POTEE: variants seen among roughly 807,000 people sequenced by gnomAD.
The protein encoded by POTEE is ANKRD26-like family C member 1A.
Under a neutral mutation model 74.2 loss-of-function variants are expected in POTEE, and 21 were observed. The observed-to-expected ratio is 0.28, with a 90% CI of 0.20 to 0.41. POTEE has a LOEUF of 0.41. POTEE is among the 10% of genes least tolerant of loss of function. The pLI is 1.00. For synonymous variants in POTEE, 211 were observed against 432.8 expected (o/e 0.49, Z 6.36); for missense variants, 525 against 1,158.6 (o/e 0.45, Z 7.94).
chr2:131,211,842 C>T (rs1488405553), intron 2 of POTEE, among the ~76,000 whole-genome samples: 1 of 149,668 alleles, frequency 6.7e-6, no homozygotes, highest in Non-Finnish European at 1.5e-5. Context: ...AGGCGTGAGC[C>T]ACCACTCCCG....
intron 9 of POTEE, among the ~76,000 whole-genome samples, chr2:131,233,294 T>G (rs995549503): frequency 1.3e-5 from 2 of 151,912 alleles, no homozygotes; most frequent in Non-Finnish European, 2.9e-5. Flanking sequence ...TGCTGTTGTC[T>G]GCTGTTGTAG....
In POTEE at chr2:131,220,250, G is replaced by A. The variant is rs1288932052; in HGVS notation, c.521+1327G>A. Among the ~76,000 whole-genome samples, 3 of 150,828 alleles carry A rather than the reference G, an allele frequency of 2.0e-5. No homozygotes were observed. The East Asian group carries it at 5.9e-4, about 29-fold the overall frequency. ...GATGGAGTCTGACTCTGCTGCCCCG[G>A]CTGGAGTGCAGTAGTGCGATCTCGG... On this transcript the variant is annotated intron_variant, in intron 4 of 17. Transcript: ENST00000683005.
intron 13 of POTEE, among the ~76,000 whole-genome samples, chr2:131,249,167 GT>G (rs1701438568): frequency 1.1e-5 from 1 of 94,016 alleles, no homozygotes; most frequent in Non-Finnish European, 2.2e-5. Flanking sequence ...ACTGTTAATT[GT>G]ATTCATATGC....
chr2:131,257,014 G>A (rs1351343795), intron 16 of POTEE, among the ~76,000 whole-genome samples: 321 of 149,456 alleles, frequency 2.1e-3, no homozygotes, highest in South Asian at 4.8e-3. Flanking sequence ...TCATTTTTTA[G>A]AGTCTTTGAT....
In POTEE at chr2:131,263,794, A is replaced by C. The variant is rs1701802978; in HGVS notation, c.2339A>C (p.Asp780Ala). 6.2e-7 allele frequency: 1 copy of C among 1,613,600 alleles called. No individual in the cohort carries two copies. The highest frequency in any genetic ancestry group is 1.3e-5 in the African/African-American group (1 of 74,870). Residue 780 changes from aspartate to alanine, a missense_variant, in exon 18 of 18, where the codon GAT (aspartate) becomes GCT (alanine). Asp to Ala is a moderately radical substitution (Grantham distance 126, BLOSUM62 -2). Transcript: ENST00000683005. ...PMEHGIITNW[D>A]DMEKIWHHTF... is the part of the protein sequence containing the mutation. ...GAACACGGCATCATCACCAACTGGG[A>C]TGACATGGAGAAGATCTGGCACCAC...
intron 1 of POTEE, among the ~76,000 whole-genome samples, chr2:131,210,411 C>T (rs182614279): frequency 0.013 from 1,978 of 149,744 alleles, 45 homozygotes; most frequent in African/African-American, 0.047. Context: ...GCTACACTGC[C>T]GGCGGCAGGG....
chr2:131,212,886 A>C (rs1700386357), intron 2 of POTEE, among the ~76,000 whole-genome samples: 1 of 150,874 alleles, frequency 6.6e-6, no homozygotes, highest in Non-Finnish European at 1.5e-5. Flanking sequence ...TTTCAAGAGT[A>C]TTGCCATCTG....
chr2:131,231,517 C>T (rs1275222094), intron 9 of POTEE, among the ~76,000 whole-genome samples: 2 of 151,996 alleles, frequency 1.3e-5, no homozygotes, highest in Non-Finnish European at 2.9e-5. Flanking sequence ...TTTTTGATCA[C>T]AAAAGAACAC....
At chr2:131,230,581 T>C (rs1700921837) in intron 8 of POTEE, among the ~76,000 whole-genome samples, 1 of 152,184 alleles carries the variant, frequency 6.6e-6, no homozygotes, top group South Asian at 2.1e-4. Context: ...CTTTCTATTA[T>C]GTCATGCTAA....
At position 131,230,789 on chromosome 2, in the gene POTEE, T is replaced by C. The variant is rs558192981; in HGVS notation, c.1056-47T>C. ...TTCTACATTTGGTAAGTTTTTTTTA[T>C]ATCAGTATTAAAATAGTAATTTGGT... On this transcript the variant is annotated intron_variant, in intron 8 of 17. Coordinates refer to ENST00000683005, the MANE Select transcript of POTEE (RefSeq NM_001083538.3). 6 of 1,568,128 alleles carry C rather than the reference T, an allele frequency of 3.8e-6. No homozygotes were observed. In the African/African-American group the frequency reaches 6.9e-5, roughly 18 times the overall value.
chr2:131,227,077 G>A (rs898333961), intron 7 of POTEE, 148 bp downstream of exon 7: 6 of 1,208,532 alleles, frequency 5.0e-6, no homozygotes, highest in African/African-American at 3.1e-5. Flanking sequence ...CAATTACTTG[G>A]GCTGGGCAAC....
rs1700346916 is a variant in POTEE at position 131,211,149 on chromosome 2, A to T, written c.-223A>T. Among the ~76,000 whole-genome samples, 1 of 151,760 alleles carries T rather than the reference A, an allele frequency of 6.6e-6. No homozygotes were observed. The highest frequency in any genetic ancestry group is 1.5e-5 in the Non-Finnish European group (1 of 68,012). Reference sequence around the variant, plus strand: ...CTCTGCAGCTCGCCTCGTGTGACTGATGGCAGCCACGGAGACTGCAGCTCG... The same window carrying T: ...CTCTGCAGCTCGCCTCGTGTGACTGTTGGCAGCCACGGAGACTGCAGCTCG... On this transcript the variant is annotated 5_prime_UTR_variant, in exon 2 of 18. An upstream start codon of the reference 5' UTR is lost. Coordinates refer to ENST00000683005, the MANE Select transcript of POTEE (RefSeq NM_001083538.3).
rs750000227 is a variant in POTEE at position 131,218,546 on chromosome 2, C to A, written c.144C>A (p.Asp48Glu). 6.2e-7 allele frequency: 1 copy of A among 1,612,770 alleles called. No individual in the cohort carries two copies. The highest frequency in any genetic ancestry group is 8.5e-7 in the Non-Finnish European group (1 of 1,179,802). The stretch of plus-strand genomic sequence containing the variant: ...AGAGCAACGTGGGCACTTCTGGAGA[C>A]CACGACGACTCTGCTATGAAGACAC... ...SGKSNVGTSG[D>E]HDDSAMKTLR... Residue 48 changes from aspartate (D) to glutamate (E), a missense_variant, in exon 4 of 18, where the codon GAC (aspartate) becomes GAA (glutamate). By Grantham distance (45) the Asp-to-Glu change is conservative (BLOSUM62 2). Coordinates refer to ENST00000683005, the MANE Select transcript of POTEE (RefSeq NM_001083538.3).
In POTEE at chr2:131,263,894, G is replaced by T. The variant is rs764520721; in HGVS notation, c.2439G>T (p.Lys813Asn). 6.2e-7 allele frequency: 1 copy of T among 1,614,058 alleles called. No individual in the cohort carries two copies. Among genetic ancestry groups the T allele is most frequent in the African/African-American group, 1.3e-5 (1 of 74,924 alleles). ...ILLTEAPLNP[K>N]ANREKMTQIM... is the part of the protein sequence containing the mutation. ...TGACCGAGGCCCCCCTGAACCCCAAGGCCAACCGCGAGAAGATGACCCAGA... is the reference window on the plus strand; with the variant it reads ...TGACCGAGGCCCCCCTGAACCCCAATGCCAACCGCGAGAAGATGACCCAGA... Residue 813 changes from lysine to asparagine, a missense_variant, in exon 18 of 18, where the codon AAG (lysine) becomes AAT (asparagine). Physicochemically the swap from Lys to Asn is moderately conservative, Grantham distance 94. Coordinates refer to ENST00000683005, the MANE Select transcript of POTEE (RefSeq NM_001083538.3).
intron 2 of POTEE, among the ~76,000 whole-genome samples, chr2:131,212,574 T>C (rs1421015272): frequency 8.5e-5 from 3 of 35,396 alleles, no homozygotes; most frequent in Admixed American, 4.0e-4. Context: ...TTCTTTCTTT[T>C]TTTTTTTGAG....
intron 10 of POTEE, among the ~76,000 whole-genome samples, chr2:131,237,702 T>G (rs1302298956): frequency 6.6e-6 from 1 of 152,206 alleles, no homozygotes; most frequent in African/African-American, 2.4e-5. Flanking sequence ...TCCTAATAAT[T>G]TAAATGGTGC....
At chr2:131,217,736 A>G (rs998768249) in intron 3 of POTEE, among the ~76,000 whole-genome samples, 53 bp downstream of exon 3, 1 of 148,994 alleles carries the variant, frequency 6.7e-6, no homozygotes, top group Non-Finnish European at 1.5e-5. Context: ...ACGCCACCTG[A>G]GATAAGCACG....
intron 8 of POTEE, among the ~76,000 whole-genome samples, chr2:131,229,246 G>A (rs761401807): frequency 3.9e-5 from 6 of 152,156 alleles, no homozygotes; most frequent in Non-Finnish European, 8.8e-5. Context: ...GTTCTAAAGG[G>A]TGAGAGGGGT....
intron 9 of POTEE, among the ~76,000 whole-genome samples, chr2:131,231,459 C>A (rs184324032): frequency 2.0e-5 from 3 of 152,048 alleles, no homozygotes; most frequent in African/African-American, 4.8e-5. Flanking sequence ...AGTTGAGGAC[C>A]CCTGCTTTGC....
Sources: gnomAD v4.1 joint callset for allele counts (sites outside exome capture counted in the v4.1 genomes callset) on GRCh38, gnomAD v4.1.1 for gene constraint, MANE v1.5 for transcripts, NCBI Gene and HGNC (gene_info 2026-07-23, HGNC 2026-07-21) for gene names.